Variants in CNTNAP2 observed in about 807,000 individuals in gnomAD.
The protein encoded by CNTNAP2 is contactin associated protein 2.
Under a neutral mutation model 155.2 loss-of-function variants are expected in CNTNAP2, and 98 were observed. That is an observed-to-expected ratio of 0.63 (90% CI 0.54 to 0.75). CNTNAP2 has a LOEUF of 0.75. CNTNAP2 is among the 30% of genes least tolerant of loss of function. The pLI, the probability that CNTNAP2 is intolerant of heterozygous loss-of-function variation, is 0.00. For synonymous variants in CNTNAP2, 651 were observed against 631.2 expected (o/e 1.03, Z -0.47); for missense variants, 1,727 against 1,688.1 (o/e 1.02, Z -0.40).
chr7:146,184,006 C>G (rs2030836), intron 1 of CNTNAP2, among the ~76,000 whole-genome samples: 44,239 of 152,010 alleles, frequency 0.29, 7,326 homozygotes, highest in African/African-American at 0.45. Flanking sequence ...GGGACTTCCC[C>G]CTAGGTCTCA....
At chr7:147,971,506 T>C (rs1036147646) in intron 14 of CNTNAP2, among the ~76,000 whole-genome samples, 3 of 152,202 alleles carry the variant, frequency 2.0e-5, no homozygotes, top group Non-Finnish European at 4.4e-5. Flanking sequence ...CTCCTTTCTG[T>C]CCTGGTAGAT....
At chr7:148,110,238 C>T (rs1804317490) in intron 15 of CNTNAP2, among the ~76,000 whole-genome samples, 1 of 152,082 alleles carries the variant, frequency 6.6e-6, no homozygotes, top group African/African-American at 2.4e-5. Flanking sequence ...CCTGGTCTGC[C>T]ACAATTCCAC....
chr7:147,937,755 C>T (rs577778341), intron 14 of CNTNAP2, among the ~76,000 whole-genome samples: 3 of 152,118 alleles, frequency 2.0e-5, no homozygotes, highest in African/African-American at 7.2e-5. Context: ...CTCTCATTTT[C>T]GAAACCCCTT....
intron 1 of CNTNAP2, among the ~76,000 whole-genome samples, chr7:146,466,076 G>A (rs1004275942): frequency 6.6e-6 from 1 of 152,074 alleles, no homozygotes; most frequent in Non-Finnish European, 1.5e-5. Context: ...AAGCTCGTTG[G>A]GTTCTAAAGA....
At chr7:148,102,831 G>C (rs1295940036) in intron 15 of CNTNAP2, among the ~76,000 whole-genome samples, 1 of 152,158 alleles carries the variant, frequency 6.6e-6, no homozygotes, top group East Asian at 1.9e-4. Context: ...ACAGGTCTCA[G>C]TCAATTTAGG....
intron 3 of CNTNAP2, among the ~76,000 whole-genome samples, chr7:146,987,397 T>G (rs144457165): frequency 2.0e-3 from 301 of 152,228 alleles, no homozygotes; most frequent in African/African-American, 6.8e-3. Flanking sequence ...ATTTTTGTAC[T>G]AAAAGGTAAA....
At chr7:147,132,667 T>C (rs908331011) in intron 8 of CNTNAP2, among the ~76,000 whole-genome samples, 158 bp downstream of exon 8, 10 of 152,114 alleles carry the variant, frequency 6.6e-5, no homozygotes, top group Non-Finnish European at 7.4e-5. Context: ...GCTGATTGAA[T>C]AAAGAAAACT....
chr7:147,892,825 A>G (rs559715473), intron 13 of CNTNAP2, among the ~76,000 whole-genome samples: 1 of 152,312 alleles, frequency 6.6e-6, no homozygotes, highest in African/African-American at 2.4e-5. Flanking sequence ...TTTGGTCCCT[A>G]TTCAAATCAA....
chr7:147,363,962 C>G (rs192112644), intron 9 of CNTNAP2, among the ~76,000 whole-genome samples: 8 of 152,200 alleles, frequency 5.3e-5, no homozygotes, highest in Non-Finnish European at 1.0e-4. Context: ...TTGGCGTATG[C>G]TAGTTTGACC....
intron 1 of CNTNAP2, among the ~76,000 whole-genome samples, chr7:146,368,314 T>A (rs1367108205): frequency 6.6e-6 from 1 of 152,144 alleles, no homozygotes; most frequent in Non-Finnish European, 1.5e-5. Context: ...TAAACATATA[T>A]ATGTATGTAT....
intron 1 of CNTNAP2, among the ~76,000 whole-genome samples, chr7:146,423,173 C>T (rs1397299091): frequency 3.9e-5 from 6 of 151,952 alleles, no homozygotes; most frequent in Admixed American, 2.0e-4. Context: ...TTCCAATTTT[C>T]ATTTCTTTAT....
intron 10 of CNTNAP2, among the ~76,000 whole-genome samples, chr7:147,432,204 T>C (rs185546692): frequency 0.016 from 2,439 of 151,936 alleles, 64 homozygotes; most frequent in African/African-American, 0.055. Context: ...GCTGTGGGGG[T>C]CTCTGTGCAT....
At chr7:147,458,610 C>T (rs1220735854) in intron 10 of CNTNAP2, among the ~76,000 whole-genome samples, 2 of 152,138 alleles carry the variant, frequency 1.3e-5, no homozygotes, top group East Asian at 1.9e-4. Context: ...GCAGGAAGAT[C>T]CCCTTGGCAT....
intron 13 of CNTNAP2, among the ~76,000 whole-genome samples, chr7:147,684,802 A>G (rs1205790203): frequency 6.6e-6 from 1 of 151,986 alleles, no homozygotes; most frequent in Non-Finnish European, 1.5e-5. Flanking sequence ...ATACTTTTTT[A>G]ACAAAAGAAA....
intron 5 of CNTNAP2, among the ~76,000 whole-genome samples, chr7:147,113,627 T>C (rs1311782773): frequency 6.6e-6 from 1 of 151,990 alleles, no homozygotes; most frequent in Non-Finnish European, 1.5e-5. Flanking sequence ...GAGAACTCAA[T>C]CACTATGATG....
At chr7:146,790,469 A>G (rs1802649927) in intron 2 of CNTNAP2, among the ~76,000 whole-genome samples, 1 of 152,160 alleles carries the variant, frequency 6.6e-6, no homozygotes, top group African/African-American at 2.4e-5. Context: ...AGGACTTGAG[A>G]GGAAATATGC....
Position 148,415,738 on chromosome 7 carries a change from G to GAAAA in CNTNAP2, c.*122_*123insAAAA. ...TAAAATATCAGCACAAGTTGGGGGA[G>GAAAA]GCAGGCAATGGAATATAATGGAATA... On this transcript the variant is annotated 3_prime_UTR_variant, in exon 24 of 24. Coordinates refer to ENST00000361727, the MANE Select transcript of CNTNAP2 (RefSeq NM_014141.6). 9.3e-7 allele frequency: 1 copy of GAAAA among 1,072,014 alleles called. No homozygotes were observed. The highest frequency in any genetic ancestry group is 1.4e-6 in the Non-Finnish European group (1 of 716,562). 66.4% of individuals were successfully genotyped at this position (1,072,014 alleles called of 1,614,324 possible). A position where few individuals can be genotyped will look rare whatever the true frequency, so the allele number is the denominator to read the frequency against.
chr7:146,721,791 CAT>C (rs1291573523), intron 1 of CNTNAP2, among the ~76,000 whole-genome samples: 2 of 87,504 alleles, frequency 2.3e-5, no homozygotes, highest in African/African-American at 1.1e-4. Context: ...ATATAGTCTA[CAT>C]ATATAGACTA....
intron 12 of CNTNAP2, among the ~76,000 whole-genome samples, chr7:147,628,561 T>G (rs1172836900): frequency 6.6e-6 from 1 of 151,864 alleles, no homozygotes; most frequent in Non-Finnish European, 1.5e-5. Flanking sequence ...ATAACACAAT[T>G]AAAACAAAAC....
Sources: gnomAD v4.1 joint callset for allele counts (sites outside exome capture counted in the v4.1 genomes callset) on GRCh38, gnomAD v4.1.1 for gene constraint, MANE v1.5 for transcripts, NCBI Gene and HGNC (gene_info 2026-07-23, HGNC 2026-07-21) for gene names.